Variants in APPL1 observed in about 807,000 individuals in gnomAD.
APPL1 encodes adaptor protein, phosphotyrosine interacting with PH domain and leucine zipper 1.
In APPL1, 42 loss-of-function variants were observed where a neutral mutation model predicts 106.8. That is an observed-to-expected ratio of 0.39 (90% CI 0.31 to 0.51). The LOEUF is 0.51. Among genes scored for constraint, APPL1 ranks in the 20% least tolerant of loss-of-function variants. APPL1 has a pLI of 0.75. For missense variants in APPL1, 769 were observed against 858.2 expected, an observed-to-expected ratio of 0.90 and a Z score of 1.30; for synonymous variants, 263 against 281.8, an observed-to-expected ratio of 0.93 and a Z score of 0.67.
At chr3:57,232,697 T>C (rs1395434129) in intron 1 of APPL1, among the ~76,000 whole-genome samples, 1 of 152,106 alleles carries the variant, frequency 6.6e-6, no homozygotes, top group Non-Finnish European at 1.5e-5. Context: ...TATTGATGAC[T>C]CTCGAGTTGA....
At chr3:57,257,899 G>GATGAATTTCTCA (rs2060845856) in intron 15 of APPL1, among the ~76,000 whole-genome samples, 3 of 152,146 alleles carry the variant, frequency 2.0e-5, no homozygotes, top group Non-Finnish European at 4.4e-5. Flanking sequence ...TCTCACCAAA[G>GATGAATTTCTCA]CAGTTAAAAT....
chr3:57,257,246 A>G lies in APPL1; in HGVS notation c.1248A>G (p.Gly416=). The part of the protein sequence containing the change: ...QRHESLRPAA[G]QSRPPTARTS... ...CAATGCCTTCTTGTTTTATGCTTAG[A>G]CAATCTCGGCCACCGACAGCTCGAA... Residue 416 remains glycine, a splice_region_variant and synonymous_variant, in exon 15 of 22, where the codon GGA becomes GGG. Transcript: ENST00000288266. 3.7e-6 allele frequency: 6 copies of G among 1,609,788 alleles called. No individual in the cohort carries two copies. The highest frequency in any genetic ancestry group is 5.1e-6 in the Non-Finnish European group (6 of 1,178,488).
rs2060740384 is a variant in APPL1, at chr3:57,240,561, G to A, written c.373+9G>A. The A allele has an allele frequency of 6.2e-7, 1 of 1,607,408 alleles. No individual in the cohort carries two copies. Among genetic ancestry groups the A allele is most frequent in the Non-Finnish European group, 8.5e-7 (1 of 1,174,170 alleles). ...AGAAAGAGATCTGAAAGGTATTGAAGTCAAGCTTATGTTTACTTTCATTGG... is the reference window on the plus strand; with the variant it reads ...AGAAAGAGATCTGAAAGGTATTGAAATCAAGCTTATGTTTACTTTCATTGG... On this transcript the variant is annotated intron_variant, in intron 5 of 21. Transcript: ENST00000288266.
intron 1 of APPL1, among the ~76,000 whole-genome samples, chr3:57,234,809 C>A (rs1012727258): frequency 1.3e-5 from 2 of 151,766 alleles, no homozygotes; most frequent in African/African-American, 4.8e-5. Context: ...GCACGTGCCA[C>A]CACACCCGGC....
intron 2 of APPL1, 78 bp from the exon 3 acceptor site, chr3:57,237,410 TAATA>T (rs778872099): frequency 8.7e-6 from 8 of 922,116 alleles, no homozygotes; most frequent in Non-Finnish European, 1.2e-5. Context: ...TGTTAAGTGA[TAATA>T]AATAAATTAG....
In APPL1 at chr3:57,243,599, A is replaced by G. The variant is rs373990016; in HGVS notation, c.474+685A>G. 7.2e-5 allele frequency among the ~76,000 whole-genome samples: 11 copies of G among 152,332 alleles called. 1 individual carries two copies. In the South Asian group the frequency reaches 2.3e-3, roughly 32 times the overall value. Reference sequence around the variant, plus strand: ...TGCTTGTGGGAATCCACAGTTGGGTAGGATTTACTGTGCAACAGCTACTGT... The same window carrying G: ...TGCTTGTGGGAATCCACAGTTGGGTGGGATTTACTGTGCAACAGCTACTGT... On this transcript the variant is annotated intron_variant, in intron 7 of 21. Transcript: ENST00000288266.
chr3:57,264,373 C>G (rs1208905247), intron 19 of APPL1, among the ~76,000 whole-genome samples: 2 of 151,836 alleles, frequency 1.3e-5, no homozygotes, highest in Admixed American at 6.6e-5. Context: ...AGTGCAGAAA[C>G]TTTTTAACTT....
intron 14 of APPL1, 84 bp from the exon 15 acceptor site, chr3:57,257,162 T>C: frequency 6.4e-7 from 1 of 1,553,330 alleles, no homozygotes; most frequent in African/African-American, 1.4e-5. Context: ...CTTATAATAT[T>C]GTGTTTTCTT....
chr3:57,269,616 G>C lies in APPL1; in HGVS notation c.2059G>C (p.Val687Leu). 2 of 1,614,116 alleles carry C rather than the reference G, an allele frequency of 1.2e-6. No individual in the cohort carries two copies. The highest frequency in any genetic ancestry group is 2.2e-5 in the South Asian group (2 of 91,072). The change falls in exon 22 of 22, where the codon GTC becomes CTC. Residue 687 changes from valine (V) to leucine (L), a missense_variant. Transcript: ENST00000288266. ...NQASSEGQFV[V>L]LSSSQSEESD... ...AGCCAGTAGTGAGGGGCAGTTTGTT[G>C]TCCTTAGCAGTAGCCAGTCAGAAGA...
At position 57,271,933 on chromosome 3, in the gene APPL1, A is replaced by G. The variant is rs1318262577; in HGVS notation, c.*2246A>G. ...TATGAACTATTCCATTACTGCAGAG[A>G]TTTAAGTATCTGTTTTAATAAGCTC... On this transcript the variant is annotated 3_prime_UTR_variant, in exon 22 of 22. Transcript: ENST00000288266. 4 of 152,180 alleles carry G rather than the reference A, an allele frequency of 2.6e-5. No individual in the cohort carries two copies. Among genetic ancestry groups the G allele is most frequent in the Non-Finnish European group, 5.9e-5 (4 of 68,016 alleles). The allele number at this position is 152,180 out of a possible 1,614,324, so 9.4% of individuals were successfully genotyped here. A position where few individuals can be genotyped will look rare whatever the true frequency, so the allele number is the denominator to read the frequency against.
At position 57,259,034 on chromosome 3, in the gene APPL1, A is replaced by G. The variant is rs1292811705; in HGVS notation, c.1437A>G (p.Thr479=). Residue 479 remains threonine, a synonymous_variant, in exon 16 of 22, where the codon ACA becomes ACG. Coordinates refer to ENST00000288266, the MANE Select transcript of APPL1 (RefSeq NM_012096.3). ...TTTCTTCTAAACTTTTTAGGCGTAC[A>G]AATCCATTTGGAGAATCTGGAGGAA... ...AKAFGQGGRR[T]NPFGESGGST... 3 of 1,612,984 alleles carry G rather than the reference A, an allele frequency of 1.9e-6. No homozygotes were observed. In the East Asian group the frequency reaches 6.7e-5, roughly 36 times the overall value.
intron 19 of APPL1, among the ~76,000 whole-genome samples, chr3:57,266,324 T>C (rs2060894200): frequency 6.6e-6 from 1 of 152,228 alleles, no homozygotes; most frequent in Non-Finnish European, 1.5e-5. Context: ...CATCAGGTAC[T>C]GGGCTTTTCT....
intron 12 of APPL1, among the ~76,000 whole-genome samples, chr3:57,253,292 G>A: frequency 6.6e-6 from 1 of 151,850 alleles, no homozygotes; most frequent in Non-Finnish European, 1.5e-5. Flanking sequence ...TGTTTGGTGG[G>A]GATTAGGAGG....
intron 15 of APPL1, among the ~76,000 whole-genome samples, chr3:57,258,581 C>A (rs536030389): frequency 1.3e-5 from 2 of 152,192 alleles, no homozygotes; most frequent in Non-Finnish European, 2.9e-5. Context: ...TTGTTACTTA[C>A]GCTTTAAGAA....
At position 57,271,404 on chromosome 3, in the gene APPL1, C is replaced by G. The variant is rs1432359678; in HGVS notation, c.*1717C>G. On this transcript the variant is annotated 3_prime_UTR_variant, in exon 22 of 22. Transcript: ENST00000288266. ...CTTTTGATAAAAAGTTTATTTTGTG[C>G]TTACCAAAAGGAATGCTTTCACAAT... The G allele has an allele frequency of 6.6e-6, 1 of 152,568 alleles. No homozygotes were observed. Among genetic ancestry groups the G allele is most frequent in the African/African-American group, 2.4e-5 (1 of 41,434 alleles). The allele number at this position is 152,568 out of a possible 1,614,324, so 9.5% of individuals were successfully genotyped here.
rs887290470 is a variant in APPL1, at chr3:57,228,308, C to G, written c.54+371C>G. On this transcript the variant is annotated intron_variant, in intron 1 of 21. Transcript: ENST00000288266. The surrounding 1 kb of genome is among the most constrained non-coding windows in gnomAD (Gnocchi z 4.6). Reference sequence around the variant, plus strand: ...CCTGAGAACCTCTTCAGAAAAATTGCAGAAGGGAGAGAAACCCCGATAGTC... The same window carrying G: ...CCTGAGAACCTCTTCAGAAAAATTGGAGAAGGGAGAGAAACCCCGATAGTC... Among the ~76,000 whole-genome samples the G allele has an allele frequency of 6.6e-6, 1 of 152,212 alleles. No homozygotes were observed. The highest frequency in any genetic ancestry group is 2.4e-5 in the African/African-American group (1 of 41,444).
At chr3:57,246,672 A>G (rs922108624) in intron 8 of APPL1, among the ~76,000 whole-genome samples, 2 of 152,212 alleles carry the variant, frequency 1.3e-5, no homozygotes, top group African/African-American at 4.8e-5. Context: ...TTTGGGTAGT[A>G]TAAGACAAAG....
rs148942449 is a variant in APPL1, at chr3:57,251,869, T to G, written c.1053-400T>G. Among the ~76,000 whole-genome samples, 666 of 152,316 alleles carry G rather than the reference T, an allele frequency of 4.4e-3. 4 individuals carry two copies. The highest frequency in any genetic ancestry group is 0.015 in the African/African-American group (627 of 41,580). On this transcript the variant is annotated intron_variant, in intron 11 of 21. Transcript: ENST00000288266. ...AACATTGAAATATTTGATTTAATAT[T>G]AAAGGAGAAATAATGAAGTAAAGTT...
intron 19 of APPL1, among the ~76,000 whole-genome samples, chr3:57,265,297 C>T (rs1002180381): frequency 5.9e-5 from 9 of 152,074 alleles, no homozygotes; most frequent in Admixed American, 1.3e-4. Flanking sequence ...TACAGGTATG[C>T]GCCACCACCA....
Sources: allele counts gnomAD v4.1 joint callset (sites outside exome capture counted in the v4.1 genomes callset), GRCh38; gene constraint gnomAD v4.1.1; non-coding constraint Gnocchi (gnomAD v3.1); transcripts MANE v1.5; gene names NCBI Gene and HGNC (gene_info 2026-07-23, HGNC 2026-07-21).